The following DNAH11 variants were observed in gnomAD, a reference collection of about 807,000 sequenced individuals.
The protein encoded by DNAH11 is dynein axonemal heavy chain 11, also known as axonemal beta dynein heavy chain 11.
DNAH11 carries 442 observed loss-of-function variants against 526.0 expected under a neutral mutation model. The ratio of observed to expected loss-of-function variants is 0.84; its 90% CI spans 0.78 to 0.91. The LOEUF (loss-of-function observed/expected upper bound fraction) is 0.91, where lower values mean the gene tolerates loss of function less well. DNAH11 is among the 40% of genes least tolerant of loss of function. The probability of loss-of-function intolerance (pLI) is 0.00; values close to 1 mark genes in which losing one functional copy is unlikely to be tolerated. For synonymous variants in DNAH11, 2,461 were observed against 1,935.9 expected, an observed-to-expected ratio of 1.27 and a Z score of -7.12; for missense variants, 6,989 against 5,448.7, an observed-to-expected ratio of 1.28 and a Z score of -8.90.
rs1306958525 is a variant in DNAH11 at position 21,623,835 on chromosome 7, G to T, written c.4500+3757G>T. On this transcript the variant is annotated intron_variant, in intron 25 of 81. Coordinates refer to ENST00000409508, the MANE Select transcript of DNAH11 (RefSeq NM_001277115.2). ...TGTTGTGGGGTGGGGGGAGGAGGGA[G>T]GGATAGCATTAGGAGATACACCTAA... Among the ~76,000 whole-genome samples, 3 of 151,512 alleles carry T rather than the reference G, an allele frequency of 2.0e-5. 1 individual carries two copies. The highest frequency in any genetic ancestry group is 4.2e-4 in the South Asian group (2 of 4,788).
intron 58 of DNAH11, among the ~76,000 whole-genome samples, chr7:21,784,894 ATTCT>A (rs1217433560): frequency 6.6e-6 from 1 of 152,204 alleles, no homozygotes; most frequent in Non-Finnish European, 1.5e-5. Flanking sequence ...TAGGCGAAGG[ATTCT>A]TTATTTCCTC....
chr7:21,580,088 T>G (rs780847758), intron 8 of DNAH11, among the ~76,000 whole-genome samples: 2 of 152,322 alleles, frequency 1.3e-5, no homozygotes, highest in South Asian at 2.1e-4. Flanking sequence ...TGTGGGACTT[T>G]CCAAGGGAGA....
At chr7:21,718,808 G>C (rs1784769951) in intron 43 of DNAH11, among the ~76,000 whole-genome samples, 1 of 152,140 alleles carries the variant, frequency 6.6e-6, no homozygotes, top group Non-Finnish European at 1.5e-5. Context: ...AAATTTGTTT[G>C]ACGCAAAATT....
intron 76 of DNAH11, among the ~76,000 whole-genome samples, chr7:21,888,861 A>T (rs907841911): frequency 6.6e-6 from 1 of 152,162 alleles, no homozygotes; most frequent in Non-Finnish European, 1.5e-5. Flanking sequence ...GATTCTATCG[A>T]TTCTTTTTGT....
At chr7:21,899,483 C>G (rs369839109) in intron 80 of DNAH11, 35 bp downstream of exon 80, 10 of 1,496,866 alleles carry the variant, frequency 6.7e-6, no homozygotes, top group Non-Finnish European at 9.3e-6. Flanking sequence ...CTGATGCACA[C>G]AGGACCACAG....
intron 44 of DNAH11, among the ~76,000 whole-genome samples, chr7:21,721,615 A>T (rs1167335885): frequency 6.6e-6 from 1 of 152,186 alleles, no homozygotes; most frequent in Non-Finnish European, 1.5e-5. Flanking sequence ...AGAGAGAGAA[A>T]GACATACTGG....
At chr7:21,653,435 GGT>G (rs1781872056) in intron 28 of DNAH11, among the ~76,000 whole-genome samples, 1 of 152,136 alleles carries the variant, frequency 6.6e-6, no homozygotes, top group South Asian at 2.1e-4. Flanking sequence ...TGTGTTTCCT[GGT>G]CATTGAGTTA....
At chr7:21,716,526 C>A (rs990739515) in intron 42 of DNAH11, among the ~76,000 whole-genome samples, 5 of 152,120 alleles carry the variant, frequency 3.3e-5, no homozygotes, top group African/African-American at 1.2e-4. Flanking sequence ...AGTAGCATAT[C>A]CAGGCAGTTT....
At chr7:21,857,949 T>C (rs1782915638) in intron 68 of DNAH11, among the ~76,000 whole-genome samples, 1 of 151,908 alleles carries the variant, frequency 6.6e-6, no homozygotes, top group South Asian at 2.1e-4. Flanking sequence ...AGCTTAAAAG[T>C]TTATGGTTTT....
chr7:21,564,268 A>C lies in DNAH11; in HGVS notation c.1065A>C (p.Pro355=). 1 of 1,613,556 alleles carries C rather than the reference A, an allele frequency of 6.2e-7. No homozygotes were observed. Among genetic ancestry groups the C allele is most frequent in the Non-Finnish European group, 8.5e-7 (1 of 1,179,730 alleles). Residue 355 remains proline (P), a synonymous_variant, in exon 6 of 82, where the codon CCA becomes CCC. Coordinates refer to ENST00000409508, the MANE Select transcript of DNAH11 (RefSeq NM_001277115.2). ...HIQCLQETEF[P]QTRILIAPLF... is the part of the protein sequence containing the mutation. ...AGTGTCTCCAGGAGACGGAATTCCCACAGACACGCATATTAATCGCTCCAT... is the reference window on the plus strand; with the variant it reads ...AGTGTCTCCAGGAGACGGAATTCCCCCAGACACGCATATTAATCGCTCCAT...
intron 76 of DNAH11, among the ~76,000 whole-genome samples, chr7:21,887,801 C>G (rs1334200172): frequency 1.3e-5 from 2 of 152,160 alleles, no homozygotes; most frequent in African/African-American, 2.4e-5. Flanking sequence ...TGTATGATTT[C>G]TTCTCACTAT....
chr7:21,720,908 G>C, intron 44 of DNAH11, 52 bp downstream of exon 44: 1 of 1,587,574 alleles, frequency 6.3e-7, no homozygotes, highest in Non-Finnish European at 8.6e-7. Flanking sequence ...TGTGGGACAG[G>C]GTCATGGGGA....
rs1783441156 is a variant in DNAH11 at position 21,561,103 on chromosome 7, G to C, written c.915G>C (p.Lys305Asn). ...LQAPVVLKMVKILTTKQSSYF... is the reference protein window; with the variant it reads ...LQAPVVLKMVNILTTKQSSYF... ...CACCTGTTGTCCTCAAAATGGTTAA[G>C]ATCCTGACAACTAAACAAAGCAGCT... Residue 305 changes from lysine (K) to asparagine (N), a missense_variant, in exon 5 of 82, where the codon AAG (lysine) becomes AAC (asparagine). Physicochemically the swap from Lys to Asn is moderately conservative, Grantham distance 94. Transcript: ENST00000409508. 1.2e-6 allele frequency: 2 copies of C among 1,603,772 alleles called. No homozygotes were observed. The highest frequency in any genetic ancestry group is 1.7e-6 in the Non-Finnish European group (2 of 1,174,968).
intron 51 of DNAH11, among the ~76,000 whole-genome samples, chr7:21,745,525 C>T (rs1251230834): frequency 1.3e-5 from 2 of 152,290 alleles, no homozygotes; most frequent in South Asian, 4.1e-4. Flanking sequence ...ACAAGGTTCT[C>T]GCTCACCTCC....
intron 66 of DNAH11, 22 bp downstream of exon 66, chr7:21,842,770 C>T (rs781165309): frequency 4.4e-6 from 7 of 1,574,200 alleles, no homozygotes; most frequent in Non-Finnish European, 6.0e-6. Flanking sequence ...TACGTCACCA[C>T]CAACACTTAG....
rs115442793 is a variant in DNAH11 at position 21,808,230 on chromosome 7, T to C, written c.10332+181T>C. 0.012 allele frequency among the ~76,000 whole-genome samples: 1,818 copies of C among 152,304 alleles called. 40 individuals carry two copies. Among genetic ancestry groups the C allele is most frequent in the African/African-American group, 0.042 (1,728 of 41,552 alleles). On this transcript the variant is annotated intron_variant, in intron 63 of 81. Transcript: ENST00000409508. ...TTATTTTTACAAAGTTCATAATAAA[T>C]ATTTCATTATTTTTAAAAATGTTTT...
rs1405788797 is a variant in DNAH11 at position 21,735,815 on chromosome 7, A to G, written c.7616A>G (p.Asn2539Ser). The G allele has an allele frequency of 2.5e-6, 4 of 1,612,924 alleles. No homozygotes were observed. Among genetic ancestry groups the G allele is most frequent in the African/African-American group, 1.3e-5 (1 of 74,928 alleles). The change falls in exon 46 of 82, where the codon AAC becomes AGC. Residue 2539 changes from asparagine (N) to serine (S), a missense_variant. Asn to Ser is a conservative substitution (Grantham distance 46, BLOSUM62 1). Coordinates refer to ENST00000409508, the MANE Select transcript of DNAH11 (RefSeq NM_001277115.2). ...EDYIVSRVPF[N>S]YYTTSTALQK... ...TACATAGTATCCCGTGTGCCTTTCA[A>G]CTACTACACGACATCCACAGCTCTG...
chr7:21,601,490 G>C lies in DNAH11; in HGVS notation c.3520G>C (p.Val1174Leu). Residue 1174 changes from valine to leucine, a missense_variant, in exon 18 of 82, where the codon GTG (valine) becomes CTG (leucine). Physicochemically the swap from Val to Leu is conservative, Grantham distance 32 (BLOSUM62 1). Transcript: ENST00000409508. ...GDHDGLVDIMVHLLAVRSRQR... is the reference protein window; with the variant it reads ...GDHDGLVDIMLHLLAVRSRQR... ...TCATGATGGTTTAGTTGACATCATG[G>C]TGCATCTTCTGGCTGTAAGAAGCCG... The C allele has an allele frequency of 6.2e-7, 1 of 1,613,708 alleles. No homozygotes were observed. The highest frequency in any genetic ancestry group is 2.2e-5 in the East Asian group (1 of 44,858).
At chr7:21,555,275 C>T (rs182899392) in intron 2 of DNAH11, among the ~76,000 whole-genome samples, 20 of 152,296 alleles carry the variant, frequency 1.3e-4, no homozygotes, top group East Asian at 3.9e-4. Flanking sequence ...TAAACAGCAA[C>T]GCTTTATCAT....
Sources: allele counts gnomAD v4.1 joint callset (sites outside exome capture counted in the v4.1 genomes callset), GRCh38; gene constraint gnomAD v4.1.1; transcripts MANE v1.5; gene names NCBI Gene and HGNC (gene_info 2026-07-23, HGNC 2026-07-21).